The following SCN2A variants were observed in gnomAD, a reference collection of about 807,000 sequenced individuals.
SCN2A encodes sodium voltage-gated channel alpha subunit 2.
In SCN2A, 20 loss-of-function variants were observed where a neutral mutation model predicts 188.7. That is an observed-to-expected ratio of 0.11 (90% CI 0.07 to 0.15). The LOEUF is 0.15. SCN2A is among the 10% of genes least tolerant of loss of function. The probability of loss-of-function intolerance (pLI) is 1.00; values close to 1 mark genes in which losing one functional copy is unlikely to be tolerated. For synonymous variants in SCN2A, 804 were observed against 833.1 expected, an observed-to-expected ratio of 0.97 and a Z score of 0.60; for missense variants, 1,278 against 2,445.0, an observed-to-expected ratio of 0.52 and a Z score of 10.07.
chr2:165,309,484 G>A, intron 6 of SCN2A, 41 bp downstream of exon 6: 1 of 1,609,154 alleles, frequency 6.2e-7, no homozygotes. Flanking sequence ...TTTAGCTACA[G>A]TGGTGCTACA....
At chr2:165,294,837 A>G (rs145839527) in intron 1 of SCN2A, among the ~76,000 whole-genome samples, 25 of 152,322 alleles carry the variant, frequency 1.6e-4, no homozygotes, top group Non-Finnish European at 1.2e-4. Context: ...TATTGCAAAG[A>G]CTCATATAAT....
At chr2:165,290,825 C>A (rs1225050204) in intron 1 of SCN2A, 2 of 972,296 alleles carry the variant, frequency 2.1e-6, no homozygotes, top group Non-Finnish European at 2.4e-6. Flanking sequence ...GAAGTTGGTA[C>A]ACATGGAAGA....
At chr2:165,291,404 CT>C (rs1696122769) in intron 1 of SCN2A, among the ~76,000 whole-genome samples, 2 of 143,054 alleles carry the variant, frequency 1.4e-5, no homozygotes, top group Admixed American at 7.1e-5. Flanking sequence ...TCCTTCCTTC[CT>C]TCCTTCCTTC....
intron 11 of SCN2A, among the ~76,000 whole-genome samples, chr2:165,317,515 A>C (rs1228124143): frequency 6.6e-6 from 1 of 152,108 alleles, no homozygotes; most frequent in African/African-American, 2.4e-5. Context: ...TTTGGCCTAG[A>C]TTTGAAACTT....
intron 11 of SCN2A, among the ~76,000 whole-genome samples, chr2:165,317,194 A>G (rs1697801979): frequency 1.3e-5 from 2 of 152,122 alleles, no homozygotes; most frequent in Non-Finnish European, 2.9e-5. Flanking sequence ...ATTCAAATTT[A>G]ACATAGGATC....
At chr2:165,270,457 A>AT (rs1695055432) in intron 1 of SCN2A, 3 of 152,040 alleles carry the variant, frequency 2.0e-5, no homozygotes, top group Admixed American at 1.3e-4. Context: ...TATTTAACAT[A>AT]TTTTGTAATA....
At chr2:165,364,517 G>A (rs1574689685) in intron 17 of SCN2A, among the ~76,000 whole-genome samples, 1 of 152,190 alleles carries the variant, frequency 6.6e-6, no homozygotes, top group East Asian at 1.9e-4. Context: ...GTTTCCAAAT[G>A]CACAATGAAA....
At chr2:165,328,986 C>CTTTTTTTTTTT (rs1269103949) in intron 13 of SCN2A, among the ~76,000 whole-genome samples, 2 of 89,388 alleles carry the variant, frequency 2.2e-5, no homozygotes, top group African/African-American at 4.4e-5. Context: ...TAAGATAGTC[C>CTTTTTTTTTTT]TTTTTTTTTT....
chr2:165,292,410 A>G (rs1443560553), intron 1 of SCN2A, among the ~76,000 whole-genome samples: 1 of 152,096 alleles, frequency 6.6e-6, no homozygotes, highest in Non-Finnish European at 1.5e-5. Flanking sequence ...GTTTGAGGGC[A>G]CGATTGAACC....
chr2:165,369,649 G>A (rs182545477), intron 19 of SCN2A, among the ~76,000 whole-genome samples: 69 of 152,076 alleles, frequency 4.5e-4, no homozygotes, highest in East Asian at 4.5e-3. Context: ...ATTTCCAAAC[G>A]TACACCCACC....
intron 1 of SCN2A, chr2:165,267,564 T>C (rs765315664): frequency 6.6e-6 from 1 of 151,904 alleles, no homozygotes; most frequent in Non-Finnish European, 1.5e-5. Context: ...AGGGGAAAAC[T>C]CTATGACATT....
intron 13 of SCN2A, chr2:165,327,236 TCTAAACA>T (rs879630011): frequency 1.8e-5 from 8 of 448,936 alleles, no homozygotes; most frequent in Non-Finnish European, 3.3e-5. Flanking sequence ...TACATTAAAT[TCTAAACA>T]TTGAAACTTG....
At chr2:165,339,608 C>T (rs1426050821) in intron 14 of SCN2A, among the ~76,000 whole-genome samples, 4 of 151,974 alleles carry the variant, frequency 2.6e-5, no homozygotes, top group African/African-American at 4.8e-5. Flanking sequence ...CAAATCATTT[C>T]GAGACACCTA....
At chr2:165,310,784 A>G in intron 7 of SCN2A, 189 bp downstream of exon 7, 1 of 368,146 alleles carries the variant, frequency 2.7e-6, no homozygotes. Flanking sequence ...TGATATAGTA[A>G]AAGTTCTCAT....
intron 1 of SCN2A, chr2:165,266,432 G>T (rs186274494): frequency 6.6e-5 from 10 of 152,140 alleles, no homozygotes; most frequent in Middle Eastern, 3.4e-3. Flanking sequence ...ACATGAAATT[G>T]AGCTTCAAAG....
intron 1 of SCN2A, among the ~76,000 whole-genome samples, chr2:165,257,335 C>A (rs1225508859): frequency 1.3e-5 from 2 of 152,122 alleles, no homozygotes; most frequent in Non-Finnish European, 2.9e-5. Flanking sequence ...ACAGACATAC[C>A]TCAGAGATAT....
At chr2:165,357,800 G>T (rs1041801092) in intron 17 of SCN2A, among the ~76,000 whole-genome samples, 11 of 152,248 alleles carry the variant, frequency 7.2e-5, no homozygotes, top group Admixed American at 2.0e-4. Context: ...GAGCCATCAA[G>T]AATGCAGCTC....
chr2:165,326,854 C>G lies in SCN2A; in HGVS notation c.2019C>G (p.Gly673=), dbSNP rs587781156. The G allele has an allele frequency of 5.9e-5, 96 of 1,613,680 alleles. No individual in the cohort carries two copies. The highest frequency in any genetic ancestry group is 7.6e-5 in the Non-Finnish European group (90 of 1,179,858). The stretch of plus-strand genomic sequence containing the variant: ...TTCATCTGAAATTCTACTTCTAGGG[C>G]ACAACTACTGAAACAGAAATAAGAA... ...LTSAGQLLPE[G]TTTETEIRKR... The change falls in exon 13 of 27, where the codon GGC becomes GGG. Residue 673 remains glycine, a splice_region_variant and synonymous_variant. Coordinates refer to ENST00000375437, the MANE Select transcript of SCN2A (RefSeq NM_001040142.2).
intron 14 of SCN2A, among the ~76,000 whole-genome samples, chr2:165,338,348 C>T (rs982838814): frequency 7.9e-5 from 12 of 151,624 alleles, no homozygotes; most frequent in Non-Finnish European, 1.5e-4. Context: ...CAAGCTCCGC[C>T]TCCCCGGTTC....
Sources: gnomAD v4.1 joint callset for allele counts (sites outside exome capture counted in the v4.1 genomes callset) on GRCh38, gnomAD v4.1.1 for gene constraint, MANE v1.5 for transcripts, NCBI Gene and HGNC (gene_info 2026-07-23, HGNC 2026-07-21) for gene names.